Variants in ARHGAP5 observed in about 807,000 individuals in gnomAD.
The protein encoded by ARHGAP5 is rho GTPase-activating protein 5.
Under a neutral mutation model 116.6 loss-of-function variants are expected in ARHGAP5, and 23 were observed. That is an observed-to-expected ratio of 0.20 (90% CI 0.14 to 0.28). ARHGAP5 has a LOEUF of 0.28. ARHGAP5 is among the 10% of genes least tolerant of loss of function. The pLI, the probability that ARHGAP5 is intolerant of heterozygous loss-of-function variation, is 1.00. For missense variants in ARHGAP5, 1,405 were observed against 1,774.8 expected (o/e 0.79, Z 3.74); for synonymous variants, 574 against 602.0 (o/e 0.95, Z 0.68).
intron 4 of ARHGAP5, among the ~76,000 whole-genome samples, chr14:32,149,352 A>G (rs1344554823): frequency 6.6e-6 from 1 of 152,156 alleles, no homozygotes; most frequent in Non-Finnish European, 1.5e-5. Flanking sequence ...TAAACAAAAA[A>G]AAAAGATAGA....
intron 1 of ARHGAP5, among the ~76,000 whole-genome samples, chr14:32,086,099 C>A (rs2041826914): frequency 6.6e-6 from 1 of 152,110 alleles, no homozygotes; most frequent in Non-Finnish European, 1.5e-5. Flanking sequence ...GAGTTAATGA[C>A]ATAAATAAGG....
At chr14:32,149,577 C>T (rs1483830637) in intron 4 of ARHGAP5, among the ~76,000 whole-genome samples, 4 of 151,698 alleles carry the variant, frequency 2.6e-5, no homozygotes, top group Non-Finnish European at 5.9e-5. Context: ...TCGAGACCAG[C>T]CTGGCCAACA....
intron 2 of ARHGAP5, among the ~76,000 whole-genome samples, 174 bp from the exon 3 acceptor site, chr14:32,116,966 C>G (rs568873662): frequency 6.6e-6 from 1 of 152,128 alleles, no homozygotes; most frequent in East Asian, 1.9e-4. Flanking sequence ...ACTTATGTCT[C>G]CAATCAAGTT....
chr14:32,126,797 G>T (rs543335659), intron 3 of ARHGAP5, among the ~76,000 whole-genome samples: 17 of 151,592 alleles, frequency 1.1e-4, no homozygotes, highest in East Asian at 1.9e-4. Context: ...CTTTTTTTGG[G>T]GGGGGAGTAG....
At chr14:32,089,229 CAT>C (rs1036904492) in intron 1 of ARHGAP5, among the ~76,000 whole-genome samples, 2 of 151,862 alleles carry the variant, frequency 1.3e-5, no homozygotes, top group African/African-American at 2.4e-5. Flanking sequence ...GTTAGTGTAA[CAT>C]ATGTTCGGTG....
intron 4 of ARHGAP5, 122 bp from the exon 5 acceptor site, chr14:32,149,773 CAAAAAAA>C (rs112832100): frequency 1.7e-5 from 7 of 400,532 alleles, no homozygotes; most frequent in Non-Finnish European, 2.0e-5. Flanking sequence ...AACTCAGTCT[CAAAAAAA>C]AAAAGAAAAA....
In ARHGAP5 at chr14:32,092,031, G is replaced by A. The variant is rs143684972; in HGVS notation, c.1362G>A (p.Met454Ile). The A allele has an allele frequency of 3.3e-5, 54 of 1,613,718 alleles. No homozygotes were observed. In the African/African-American group the frequency reaches 6.7e-4, roughly 20 times the overall value. ...CAGGGCAGCCATGGGAGGAAGTTAT[G>A]TGCTTTGTTATGGAGGATGAAGCCT... is the stretch of plus-strand genomic sequence containing the variant. ...ISPGQPWEEV[M>I]CFVMEDEAYK... The change falls in exon 2 of 7, where the codon ATG becomes ATA. Residue 454 changes from methionine (M) to isoleucine (I), a missense_variant. Met to Ile is a conservative substitution (Grantham distance 10). Around this residue, in one of 6 missense-constraint regions of ARHGAP5, gnomAD observed 944 missense variants for 1,095.3 expected, o/e 0.86. Coordinates refer to ENST00000345122, the MANE Select transcript of ARHGAP5 (RefSeq NM_001030055.2). The surrounding 1 kb of genome is among the most constrained non-coding windows in gnomAD (Gnocchi z 4.1).
chr14:32,139,524 T>A (rs911340482), intron 3 of ARHGAP5, among the ~76,000 whole-genome samples: 5 of 152,058 alleles, frequency 3.3e-5, no homozygotes, highest in African/African-American at 9.6e-5. Context: ...CTTGTAACCC[T>A]TTTTATCTGT....
Position 32,117,039 on chromosome 14 carries a change from A to G in ARHGAP5, c.3718-101A>G, listed in dbSNP as rs566463320. On this transcript the variant is annotated intron_variant, in intron 2 of 6. Transcript: ENST00000345122. ...GTGGACATTTAGGTTGGATGTGGCT[A>G]TAAAATTTTTCTTTTGATCCGAACC... The G allele has an allele frequency of 1.2e-4, 109 of 900,512 alleles. No homozygotes were observed. The South Asian group carries it at 3.4e-3, about 28-fold the overall frequency. 55.8% of individuals were successfully genotyped at this position (900,512 alleles called of 1,614,324 possible).
chr14:32,091,249 G>T lies in ARHGAP5; in HGVS notation c.580G>T (p.Val194Leu). 2 of 1,612,418 alleles carry T rather than the reference G, an allele frequency of 1.2e-6. No homozygotes were observed. Among genetic ancestry groups the T allele is most frequent in the Non-Finnish European group, 1.7e-6 (2 of 1,179,272 alleles). ...FVQLSKSKKP[V>L]IIAATKCDEC... ...CCAGTTATCAAAATCAAAAAAACCT[G>T]TAATAATAGCAGCAACTAAATGTGA... Residue 194 changes from valine to leucine, a missense_variant, in exon 2 of 7, where the codon GTA (valine) becomes TTA (leucine). Transcript: ENST00000345122.
rs150214759 is a variant in ARHGAP5, at chr14:32,109,700, G to A, written c.3718-7440G>A. On this transcript the variant is annotated intron_variant, in intron 2 of 6. Transcript: ENST00000345122. ...ATCATGTGGTTAAGATTTTTCAGGC[G>A]TTTGAAACTATTATAATTTAAATAT... 2.0e-3 allele frequency among the ~76,000 whole-genome samples: 303 copies of A among 151,922 alleles called. 1 individual carries two copies. The highest frequency in any genetic ancestry group is 6.8e-3 in the African/African-American group (282 of 41,420).
At chr14:32,098,679 A>G (rs565478796) in intron 2 of ARHGAP5, among the ~76,000 whole-genome samples, 16 of 152,356 alleles carry the variant, frequency 1.1e-4, no homozygotes, top group Admixed American at 9.8e-4. Context: ...GAAAGCAGCC[A>G]TAGACCATAT....
intron 3 of ARHGAP5, among the ~76,000 whole-genome samples, chr14:32,133,219 C>T (rs1880600911): frequency 1.3e-5 from 2 of 152,276 alleles, no homozygotes; most frequent in South Asian, 2.1e-4. Context: ...TACCCATGAG[C>T]ATGGAATGTT....
intron 1 of ARHGAP5, among the ~76,000 whole-genome samples, chr14:32,089,155 A>G (rs980836770): frequency 1.3e-5 from 2 of 151,940 alleles, no homozygotes; most frequent in African/African-American, 4.8e-5. Context: ...TATTTTTAAA[A>G]ATTATTTTAT....
intron 3 of ARHGAP5, among the ~76,000 whole-genome samples, chr14:32,126,795 G>T (rs953683143): frequency 5.3e-5 from 8 of 150,208 alleles, no homozygotes; most frequent in Admixed American, 3.3e-4. Flanking sequence ...TTCTTTTTTT[G>T]GGGGGGGAGT....
In ARHGAP5 at chr14:32,106,044, A is replaced by G. The variant is rs185809036; in HGVS notation, c.3718-11096A>G. ...CATCAGGTCGTTCCAGTTTTTGTCC[A>G]TCTTGAATAAAGTTGTCATGAACAT... On this transcript the variant is annotated intron_variant, in intron 2 of 6. Transcript: ENST00000345122. 3.0e-3 allele frequency among the ~76,000 whole-genome samples: 461 copies of G among 152,316 alleles called. 4 individuals are homozygous for G. Among genetic ancestry groups the G allele is most frequent in the Non-Finnish European group, 4.5e-3 (309 of 68,026 alleles).
chr14:32,142,199 A>AT (rs1009903794), intron 3 of ARHGAP5, among the ~76,000 whole-genome samples: 15 of 151,772 alleles, frequency 9.9e-5, no homozygotes, highest in African/African-American at 3.6e-4. Flanking sequence ...GATCTTTGTG[A>AT]TTTTTTAAAA....
At chr14:32,112,668 C>CGAGACCATCCTGGCTAA (rs1594363340) in intron 2 of ARHGAP5, among the ~76,000 whole-genome samples, 1 of 152,106 alleles carries the variant, frequency 6.6e-6, no homozygotes, top group Non-Finnish European at 1.5e-5. Flanking sequence ...GTCAGGAGAT[C>CGAGACCATCCTGGCTAA]GAGACCATCC....
rs561495630 is a variant in ARHGAP5, at chr14:32,101,977, C to T, written c.3717+7591C>T. ...CAGCCTGGGCGACAGAGCGAGACTC[C>T]AAAAAGAAAAAAAAAAGCTTACTAT... is the stretch of plus-strand genomic sequence containing the variant. On this transcript the variant is annotated intron_variant, in intron 2 of 6. Transcript: ENST00000345122. Among the ~76,000 whole-genome samples, 100 of 148,922 alleles carry T rather than the reference C, an allele frequency of 6.7e-4. 1 individual carries two copies. Among genetic ancestry groups the T allele is most frequent in the Middle Eastern group, 3.4e-3 (1 of 290 alleles).
Sources: allele counts gnomAD v4.1 joint callset (sites outside exome capture counted in the v4.1 genomes callset), GRCh38; gene constraint gnomAD v4.1.1; regional missense constraint gnomAD v4.1.1; non-coding constraint Gnocchi (gnomAD v3.1); transcripts MANE v1.5; gene names NCBI Gene and HGNC (gene_info 2026-07-23, HGNC 2026-07-21).